UBE2G1: variants seen among roughly 807,000 people sequenced by gnomAD.
UBE2G1 encodes ubiquitin-conjugating enzyme E2 G1.
Under a neutral mutation model 22.7 loss-of-function variants are expected in UBE2G1, and 5 were observed. The observed-to-expected ratio is 0.22, with a 90% CI of 0.12 to 0.46. The LOEUF (loss-of-function observed/expected upper bound fraction) is 0.46. UBE2G1 is among the 20% of genes least tolerant of loss of function. The pLI, the probability that UBE2G1 is intolerant of heterozygous loss-of-function variation, is 0.99. For missense variants in UBE2G1, 88 were observed against 203.9 expected, an observed-to-expected ratio of 0.43 and a Z score of 3.46; for synonymous variants, 74 against 67.5, an observed-to-expected ratio of 1.10 and a Z score of -0.47.
chr17:4,323,149 T>C lies in UBE2G1; in HGVS notation c.47-16026A>G, dbSNP rs538941298. Among the ~76,000 whole-genome samples, 10 of 152,284 alleles carry C rather than the reference T, an allele frequency of 6.6e-5. No homozygotes were observed. The South Asian group carries it at 8.3e-4, about 13-fold the overall frequency. Reference sequence around the variant, plus strand: ...AAAGCAAATTTATAACTGACAAAAATAGACCTTTCTTAAAGAATGCCATCT... The same window carrying C: ...AAAGCAAATTTATAACTGACAAAAACAGACCTTTCTTAAAGAATGCCATCT... On this transcript the variant is annotated intron_variant, in intron 1 of 5. Coordinates refer to ENST00000396981, the MANE Select transcript of UBE2G1 (RefSeq NM_003342.5).
chr17:4,309,205 G>C (rs1337495611), intron 1 of UBE2G1, among the ~76,000 whole-genome samples: 1 of 152,228 alleles, frequency 6.6e-6, no homozygotes, highest in African/African-American at 2.4e-5. Context: ...GCTGCAGTGA[G>C]CCAAGACCAT....
At position 4,340,540 on chromosome 17, in the gene UBE2G1, G is replaced by A. The variant is rs138568662; in HGVS notation, c.46+25731C>T. 5.6e-3 allele frequency among the ~76,000 whole-genome samples: 856 copies of A among 152,148 alleles called. 10 individuals are homozygous for A. The highest frequency in any genetic ancestry group is 0.019 in the African/African-American group (800 of 41,512). On this transcript the variant is annotated intron_variant, in intron 1 of 5. Transcript: ENST00000396981. ...TGTTCTCGTGATAGTGAGTTCTCAC[G>A]AGATCTGATGGTTTTATAAGGTGCT...
intron 5 of UBE2G1, among the ~76,000 whole-genome samples, chr17:4,277,036 G>A (rs73328726): frequency 2.0e-5 from 3 of 152,322 alleles, no homozygotes; most frequent in African/African-American, 7.2e-5. Flanking sequence ...CAAGGTTCCC[G>A]AAGCTTGGGA....
chr17:4,348,489 C>A (rs1376466550), intron 1 of UBE2G1, among the ~76,000 whole-genome samples: 1 of 146,674 alleles, frequency 6.8e-6, no homozygotes, highest in Non-Finnish European at 1.5e-5. Flanking sequence ...GGAGGCAGAG[C>A]TTGCAGTGAG....
intron 5 of UBE2G1, among the ~76,000 whole-genome samples, chr17:4,281,342 CA>C (rs1319596561): frequency 2.0e-5 from 3 of 152,126 alleles, no homozygotes; most frequent in African/African-American, 7.2e-5. Flanking sequence ...ATTGTTTAAA[CA>C]TGCAAATTTG....
intron 2 of UBE2G1, chr17:4,301,504 G>A (rs1201435935): frequency 7.3e-6 from 7 of 965,342 alleles, no homozygotes; most frequent in Middle Eastern, 2.2e-4. Context: ...CAGGATAAAC[G>A]GAACAGGCAG....
At chr17:4,337,576 C>T (rs1441271576) in intron 1 of UBE2G1, among the ~76,000 whole-genome samples, 1 of 150,244 alleles carries the variant, frequency 6.7e-6, no homozygotes, top group Admixed American at 6.6e-5. Context: ...TCACTTGAAC[C>T]CGGGAGGTGG....
chr17:4,302,797 A>T (rs1447484581), intron 2 of UBE2G1: 2 of 183,048 alleles, frequency 1.1e-5, no homozygotes, highest in African/African-American at 2.4e-5. Flanking sequence ...GAGAAAAAAA[A>T]TAATGGAATG....
At chr17:4,306,354 T>C (rs182376416) in intron 2 of UBE2G1, among the ~76,000 whole-genome samples, 11 of 151,762 alleles carry the variant, frequency 7.2e-5, no homozygotes, top group African/African-American at 2.4e-4. Context: ...GCCCAGCTAA[T>C]TTTCGTATTC....
intron 3 of UBE2G1, among the ~76,000 whole-genome samples, chr17:4,290,271 T>C (rs1314855908): frequency 6.6e-6 from 1 of 152,242 alleles, no homozygotes; most frequent in Non-Finnish European, 1.5e-5. Context: ...ACAATGTTTA[T>C]GTATATTTCA....
intron 4 of UBE2G1, among the ~76,000 whole-genome samples, chr17:4,285,928 C>T (rs887940725): frequency 1.6e-4 from 22 of 141,328 alleles, no homozygotes; most frequent in African/African-American, 3.9e-4. Flanking sequence ...TCCAGCCTGG[C>T]GACAGAGCGA....
intron 3 of UBE2G1, among the ~76,000 whole-genome samples, chr17:4,293,967 G>C (rs1216645859): frequency 1.3e-5 from 2 of 152,144 alleles, no homozygotes. Flanking sequence ...AATCTTTCAA[G>C]AAGGAAAATA....
chr17:4,334,461 C>A (rs1287505879), intron 1 of UBE2G1, among the ~76,000 whole-genome samples: 2 of 152,184 alleles, frequency 1.3e-5, no homozygotes, highest in Non-Finnish European at 2.9e-5. Flanking sequence ...TTTTACTCAT[C>A]ACTTCTTAGA....
At chr17:4,333,696 C>T (rs1969611151) in intron 1 of UBE2G1, among the ~76,000 whole-genome samples, 1 of 152,040 alleles carries the variant, frequency 6.6e-6, no homozygotes, top group African/African-American at 2.4e-5. Context: ...TGGCACGCAC[C>T]TGTAGTCCCA....
At chr17:4,362,401 G>A (rs1969979836) in intron 1 of UBE2G1, among the ~76,000 whole-genome samples, 1 of 152,144 alleles carries the variant, frequency 6.6e-6, no homozygotes, top group South Asian at 2.1e-4. Context: ...ACAACTAAGG[G>A]AGTATGCTAC....
At chr17:4,331,511 A>C (rs1969577959) in intron 1 of UBE2G1, among the ~76,000 whole-genome samples, 2 of 152,206 alleles carry the variant, frequency 1.3e-5, no homozygotes, top group South Asian at 4.1e-4. Flanking sequence ...CTTAAAACAC[A>C]TACACTACAC....
chr17:4,303,868 C>G (rs1969218566), intron 2 of UBE2G1, among the ~76,000 whole-genome samples: 2 of 152,094 alleles, frequency 1.3e-5, no homozygotes, highest in Admixed American at 6.6e-5. Context: ...ATTGCCAGTG[C>G]TTAAAAACAA....
chr17:4,300,520 G>A (rs1161592452), intron 2 of UBE2G1, among the ~76,000 whole-genome samples: 1 of 151,782 alleles, frequency 6.6e-6, no homozygotes, highest in African/African-American at 2.4e-5. Flanking sequence ...TCCAGCCTGG[G>A]CCACAAAGCA....
chr17:4,361,655 T>A lies in UBE2G1; in HGVS notation c.46+4616A>T, dbSNP rs376869530. ...GAACCTCTCTGAAAAGACACATTTGTCAGCCAGGCATGATGGCTCATGCCT... is the reference window on the plus strand; with the variant it reads ...GAACCTCTCTGAAAAGACACATTTGACAGCCAGGCATGATGGCTCATGCCT... On this transcript the variant is annotated intron_variant, in intron 1 of 5. Coordinates refer to ENST00000396981, the MANE Select transcript of UBE2G1 (RefSeq NM_003342.5). Among the ~76,000 whole-genome samples the A allele has an allele frequency of 7.5e-4, 114 of 152,240 alleles. 3 individuals are homozygous for A. The East Asian group carries it at 0.015, about 21-fold the overall frequency.
Sources: allele counts gnomAD v4.1 joint callset (sites outside exome capture counted in the v4.1 genomes callset), GRCh38; gene constraint gnomAD v4.1.1; transcripts MANE v1.5; gene names NCBI Gene and HGNC (gene_info 2026-07-23, HGNC 2026-07-21).